The following MNX1 variants were observed in gnomAD, a reference collection of about 807,000 sequenced individuals.
MNX1 encodes the protein motor neuron and pancreas homeobox 1, also known as motor neuron and pancreas homeobox protein 1.
A neutral mutation model predicts 17.3 loss-of-function variants in MNX1; 2 were observed. That is an observed-to-expected ratio of 0.12 (90% CI 0.05 to 0.36). The LOEUF (loss-of-function observed/expected upper bound fraction) is 0.36, where lower values mean the gene tolerates loss of function less well. MNX1 is among the 10% of genes least tolerant of loss of function. The pLI is 1.00. For synonymous variants in MNX1, 306 were observed against 283.1 expected (o/e 1.08, Z -0.81); for missense variants, 556 against 564.7 (o/e 0.98, Z 0.16).
At chr7:157,009,402 C>T (rs545859978) in intron 1 of MNX1, 344 of 1,425,432 alleles carry the variant, frequency 2.4e-4, no homozygotes, top group South Asian at 5.0e-4. Flanking sequence ...AGATCTCAGT[C>T]TCACACCTCC....
chr7:157,007,478 G>C (rs1805626488), intron 1 of MNX1: 1 of 152,322 alleles, frequency 6.6e-6, no homozygotes, highest in Non-Finnish European at 1.5e-5. Context: ...GTTTTCCTTG[G>C]CATGCCCCCT....
chr7:157,005,646 C>T lies in MNX1; in HGVS notation c.1080G>A (p.Glu360=). 3 of 1,610,342 alleles carry T rather than the reference C, an allele frequency of 1.9e-6. No individual in the cohort carries two copies. The highest frequency in any genetic ancestry group is 2.5e-6 in the Non-Finnish European group (3 of 1,179,144). Residue 360 remains glutamate (E), a synonymous_variant, in exon 3 of 3, where the codon GAG becomes GAA. Coordinates refer to ENST00000252971, the MANE Select transcript of MNX1 (RefSeq NM_005515.4). ...DLRDSDPEED[E]DEDDEDHFPY... is the part of the protein sequence containing the mutation. The stretch of plus-strand genomic sequence containing the variant: ...GGAAATGGTCCTCGTCGTCCTCGTC[C>T]TCGTCCTCCTCGGGGTCACTGTCCC...
Position 157,009,968 on chromosome 7 carries a change from G to GCGGCGA in MNX1, c.382_383insTCGCCG (p.Ala127_Ala128insValAla). ...GCCCCCAGCGGCGGCGGCGGCGGCG[G>GCGGCGA]CGGCGGCGGCAGCGGCCGCTGCGCC... On this transcript the variant is annotated inframe_insertion, in exon 1 of 3. Transcript: ENST00000252971. 1 of 984,638 alleles carries GCGGCGA rather than the reference G, an allele frequency of 1.0e-6. No individual in the cohort carries two copies. Among genetic ancestry groups the GCGGCGA allele is most frequent in the South Asian group, 4.6e-5 (1 of 21,918 alleles). 61.0% of individuals were successfully genotyped at this position (984,638 alleles called of 1,614,324 possible). A position where few individuals can be genotyped will look rare whatever the true frequency, so the allele number is the denominator to read the frequency against.
At position 157,005,415 on chromosome 7, in the gene MNX1, C is replaced by G. The variant is rs1056663641; in HGVS notation, c.*105G>C. ...AGGGGTCCATGGGGCGGCGGTCGAGCCTGCTCTCGGGGCCGGGCCGGGTGG... is the reference window on the plus strand; with the variant it reads ...AGGGGTCCATGGGGCGGCGGTCGAGGCTGCTCTCGGGGCCGGGCCGGGTGG... On this transcript the variant is annotated 3_prime_UTR_variant, in exon 3 of 3. Coordinates refer to ENST00000252971, the MANE Select transcript of MNX1 (RefSeq NM_005515.4). The G allele has an allele frequency of 1.7e-5, 14 of 828,326 alleles. No individual in the cohort carries two copies. In the African/African-American group the frequency reaches 2.2e-4, roughly 13 times the overall value. 51.3% of individuals were successfully genotyped at this position (828,326 alleles called of 1,614,324 possible).
At position 157,006,097 on chromosome 7, in the gene MNX1, G is replaced by A. The variant is rs1398798432; in HGVS notation, c.853-224C>T. 1.3e-5 allele frequency among the ~76,000 whole-genome samples: 2 copies of A among 152,188 alleles called. No individual in the cohort carries two copies. The highest frequency in any genetic ancestry group is 3.9e-4 in the East Asian group (2 of 5,180). On this transcript the variant is annotated intron_variant, in intron 2 of 2. Transcript: ENST00000252971. The surrounding 1 kb of genome is among the most constrained non-coding windows in gnomAD (Gnocchi z 6.3). ...AGAGCTGGGCTGGAGCTCCGTGGGA[G>A]CTAGGACTATGTCCCCAACGACCCA...
At position 157,009,652 on chromosome 7, in the gene MNX1, G is replaced by C. The variant is rs1184940192; in HGVS notation, c.691+8C>G. 6.2e-7 allele frequency: 1 copy of C among 1,608,424 alleles called. No individual in the cohort carries two copies. The highest frequency in any genetic ancestry group is 8.5e-7 in the Non-Finnish European group (1 of 1,178,920). On this transcript the variant is annotated splice_region_variant and intron_variant, in intron 1 of 2. Transcript: ENST00000252971. Reference sequence around the variant, plus strand: ...CACGCGCATCCACGGGGGCCGCAGGGTACTCACAGTTGAAGTCGGGCATCT... The same window carrying C: ...CACGCGCATCCACGGGGGCCGCAGGCTACTCACAGTTGAAGTCGGGCATCT...
intron 1 of MNX1, chr7:157,009,385 A>G (rs1805664672): frequency 7.0e-7 from 1 of 1,418,974 alleles, no homozygotes; most frequent in African/African-American, 1.4e-5. Context: ...CCTTCGGGTT[A>G]ATCATTAGAT....
rs1204198920 is a variant in MNX1, at chr7:157,010,428, C to T, written c.-78G>A. The T allele has an allele frequency of 6.3e-6, 7 of 1,116,924 alleles. No homozygotes were observed. Among genetic ancestry groups the T allele is most frequent in the Non-Finnish European group, 7.5e-6 (6 of 799,280 alleles). 69.2% of individuals were successfully genotyped at this position (1,116,924 alleles called of 1,614,324 possible). On this transcript the variant is annotated 5_prime_UTR_variant, in exon 1 of 3. Transcript: ENST00000252971. The stretch of plus-strand genomic sequence containing the variant: ...TGCGGGCTCGCGGAGTCAGTGCGTG[C>T]GGTGCAAGCCCGGGGGCTCGGTATT...
At chr7:157,005,968 G>T in intron 2 of MNX1, 95 bp from the exon 3 acceptor site, 1 of 1,442,392 alleles carries the variant, frequency 6.9e-7, no homozygotes, top group Non-Finnish European at 9.6e-7. Context: ...GGCCCCATTG[G>T]GTCGGCCCTG....
chr7:157,008,907 C>G (rs1481397889), intron 1 of MNX1: 1 of 1,378,720 alleles, frequency 7.3e-7, no homozygotes, highest in Admixed American at 2.0e-5. Context: ...GTGTCCCGCC[C>G]GGATGGAGAG....
Position 157,005,661 on chromosome 7 carries a change from G to T in MNX1, c.1065C>A (p.Asp355Glu), listed in dbSNP as rs1805581406. The T allele has an allele frequency of 3.1e-6, 5 of 1,610,778 alleles. No individual in the cohort carries two copies. The East Asian group carries it at 1.1e-4, about 36-fold the overall frequency. Residue 355 changes from aspartate (D) to glutamate (E), a missense_variant, in exon 3 of 3, where the codon GAC becomes GAA. Asp to Glu is a conservative substitution (Grantham distance 45, BLOSUM62 2). Coordinates refer to ENST00000252971, the MANE Select transcript of MNX1 (RefSeq NM_005515.4). ...GRRLRDLRDSDPEEDEDEDDE... is the reference protein window; with the variant it reads ...GRRLRDLRDSEPEEDEDEDDE... ...CGTCCTCGTCCTCGTCCTCCTCGGG[G>T]TCACTGTCCCTCAAGTCCCGCAGGC... is the stretch of plus-strand genomic sequence containing the variant.
At chr7:157,008,712 T>G in intron 1 of MNX1, 1 of 478,008 alleles carries the variant, frequency 2.1e-6, no homozygotes, top group Non-Finnish European at 3.7e-6. Context: ...TGGGGTCTCT[T>G]TGTTTGGGTG....
rs373662349 is a variant in MNX1, at chr7:157,006,853, ATTT to A, written c.692-217_692-215del. On this transcript the variant is annotated intron_variant, in intron 1 of 2. Coordinates refer to ENST00000252971, the MANE Select transcript of MNX1 (RefSeq NM_005515.4). The surrounding 1 kb of genome is among the most constrained non-coding windows in gnomAD (Gnocchi z 6.3). The stretch of plus-strand genomic sequence containing the variant: ...GGATAGTTTGGAGTTAATGAGACCA[ATTT>A]TTTTTTTTTTTTTTGTCTAGGAGAC... 4.8e-3 allele frequency: 1,303 copies of A among 272,392 alleles called. No homozygotes were observed. Among genetic ancestry groups the A allele is most frequent in the South Asian group, 7.5e-3 (112 of 14,868 alleles). The allele number at this position is 272,392 out of a possible 1,614,324, so 16.9% of individuals were successfully genotyped here. A position where few individuals can be genotyped will look rare whatever the true frequency, so the allele number is the denominator to read the frequency against.
Position 157,006,091 on chromosome 7 carries a change from G to A in MNX1, c.853-218C>T, listed in dbSNP as rs1378895173. ...AACCCCAGAGCTGGGCTGGAGCTCC[G>A]TGGGAGCTAGGACTATGTCCCCAAC... On this transcript the variant is annotated intron_variant, in intron 2 of 2. Coordinates refer to ENST00000252971, the MANE Select transcript of MNX1 (RefSeq NM_005515.4). The surrounding 1 kb of genome is among the most constrained non-coding windows in gnomAD (Gnocchi z 6.3). 6.6e-6 allele frequency among the ~76,000 whole-genome samples: 1 copy of A among 152,144 alleles called. No individual in the cohort carries two copies. Among genetic ancestry groups the A allele is most frequent in the Admixed American group, 6.5e-5 (1 of 15,284 alleles).
chr7:157,005,638 T>C lies in MNX1; in HGVS notation c.1088A>G (p.Asp363Gly). 6.4e-7 allele frequency: 1 copy of C among 1,565,546 alleles called. No individual in the cohort carries two copies. The highest frequency in any genetic ancestry group is 8.7e-7 in the Non-Finnish European group (1 of 1,153,108). Reference protein sequence around the residue: ...DSDPEEDEDEDDEDHFPYSNG... With the variant: ...DSDPEEDEDEGDEDHFPYSNG... The stretch of plus-strand genomic sequence containing the variant: ...GCTGTAGGGGAAATGGTCCTCGTCG[T>C]CCTCGTCCTCGTCCTCCTCGGGGTC... The change falls in exon 3 of 3, where the codon GAC (aspartate) becomes GGC (glycine). Residue 363 changes from aspartate to glycine, a missense_variant. Coordinates refer to ENST00000252971, the MANE Select transcript of MNX1 (RefSeq NM_005515.4).
rs1303119742 is a variant in MNX1, at chr7:157,006,914, C to A, written c.692-275G>T. On this transcript the variant is annotated intron_variant, in intron 1 of 2. Transcript: ENST00000252971. The surrounding 1 kb of genome is among the most constrained non-coding windows in gnomAD (Gnocchi z 6.3). ...TGTCCCTGTTAAACAGGGCCCATCG[C>A]AGGAGGCTTCCTCTCCACAGGAGCC... The A allele has an allele frequency of 3.4e-6, 1 of 290,102 alleles. No individual in the cohort carries two copies. The highest frequency in any genetic ancestry group is 6.2e-6 in the Non-Finnish European group (1 of 161,814). The allele number at this position is 290,102 out of a possible 1,614,324, so 18.0% of individuals were successfully genotyped here.
At position 157,009,944 on chromosome 7, in the gene MNX1, C is replaced by T. The variant is rs1246023206; in HGVS notation, c.407G>A (p.Gly136Asp). Residue 136 changes from glycine (G) to aspartate (D), a missense_variant, in exon 1 of 3, where the codon GGC (glycine) becomes GAC (aspartate). Physicochemically the swap from Gly to Asp is moderately conservative, Grantham distance 94. Coordinates refer to ENST00000252971, the MANE Select transcript of MNX1 (RefSeq NM_005515.4). ...CCCAGGGTGCAGCCCCAGCGCCAGGCCCCCAGCGGCGGCGGCGGCGGCGGC... is the reference window on the plus strand; with the variant it reads ...CCCAGGGTGCAGCCCCAGCGCCAGGTCCCCAGCGGCGGCGGCGGCGGCGGC... ...AAAAAAAAAG[G>D]LALGLHPGGA... 36 of 741,484 alleles carry T rather than the reference C, an allele frequency of 4.9e-5. 1 individual carries two copies. The East Asian group carries it at 2.6e-3, about 54-fold the overall frequency. The allele number at this position is 741,484 out of a possible 1,614,324, so 45.9% of individuals were successfully genotyped here.
Position 157,006,392 on chromosome 7 carries a change from G to A in MNX1, c.852+87C>T, listed in dbSNP as rs527849120. On this transcript the variant is annotated intron_variant, in intron 2 of 2. Transcript: ENST00000252971. This position sits in a 1 kb window ranked among gnomAD's most constrained non-coding sequence, Gnocchi z 6.3. The stretch of plus-strand genomic sequence containing the variant: ...GAACCGTCGAGGCGCAGCGCTAGAT[G>A]CCTCAGACCGCCCGTGGGTCACAAG... 1.7e-5 allele frequency: 24 copies of A among 1,442,830 alleles called. 1 individual carries two copies. The highest frequency in any genetic ancestry group is 8.4e-5 in the Admixed American group (4 of 47,794). The allele number at this position is 1,442,830 out of a possible 1,614,324, so 89.4% of individuals were successfully genotyped here. A position where few individuals can be genotyped will look rare whatever the true frequency, so the allele number is the denominator to read the frequency against.
intron 1 of MNX1, 100 bp downstream of exon 1, chr7:157,009,560 G>C: frequency 6.6e-7 from 1 of 1,517,134 alleles, no homozygotes; most frequent in South Asian, 1.2e-5. Flanking sequence ...CTCTTCCCCC[G>C]CTCGCTGGGA....
Sources: allele counts gnomAD v4.1 joint callset (sites outside exome capture counted in the v4.1 genomes callset), GRCh38; gene constraint gnomAD v4.1.1; non-coding constraint Gnocchi (gnomAD v3.1); transcripts MANE v1.5; gene names NCBI Gene and HGNC (gene_info 2026-07-23, HGNC 2026-07-21).